CLDN23: variants seen among roughly 807,000 people sequenced by gnomAD.
CLDN23 encodes the protein claudin 23, also known as claudin-23.
Under a neutral mutation model 1.4 loss-of-function variants are expected in CLDN23, and 3 were observed. That is an observed-to-expected ratio of 2.10 (90% CI 0.96 to 5.43). The LOEUF is 5.43. Ranked by LOEUF, CLDN23 falls within the 30% of genes most tolerant of loss-of-function variation. CLDN23 has a pLI of 0.02. For synonymous variants in CLDN23, 291 were observed against 209.9 expected (o/e 1.39, Z -3.34); for missense variants, 597 against 433.5 (o/e 1.38, Z -3.35).
chr8:8,703,746 T>A lies in CLDN23; in HGVS notation c.*469T>A. 1 of 168,050 alleles carries A rather than the reference T, an allele frequency of 6.0e-6. No homozygotes were observed. The highest frequency in any genetic ancestry group is 1.5e-5 in the Non-Finnish European group (1 of 68,716). 10.4% of individuals were successfully genotyped at this position (168,050 alleles called of 1,614,324 possible). On this transcript the variant is annotated 3_prime_UTR_variant, in exon 1 of 1. Transcript: ENST00000519106. The stretch of plus-strand genomic sequence containing the variant: ...AGAGGCCAATATATTCCTGGCCATG[T>A]TTGAATGAGCCTCTTAAAATAAACT...
In CLDN23 at chr8:8,702,888, T is replaced by C; in HGVS notation, c.490T>C (p.Tyr164His). Reference sequence around the variant, plus strand: ...GGTCAGCTACAGCCTGGTCCTGGGCTACCTGGGCAGCTGCCTCCTGCTGCT... The same window carrying C: ...GGTCAGCTACAGCCTGGTCCTGGGCCACCTGGGCAGCTGCCTCCTGCTGCT... ...VQVSYSLVLG[Y>H]LGSCLLLLGG... The change falls in exon 1 of 1, where the codon TAC becomes CAC. Residue 164 changes from tyrosine to histidine, a missense_variant. Physicochemically the swap from Tyr to His is moderately conservative, Grantham distance 83. Coordinates refer to ENST00000519106, the MANE Select transcript of CLDN23 (RefSeq NM_194284.3). The C allele has an allele frequency of 6.3e-7, 1 of 1,579,618 alleles. No individual in the cohort carries two copies. Among genetic ancestry groups the C allele is most frequent in the South Asian group, 1.1e-5 (1 of 89,010 alleles).
Position 8,702,563 on chromosome 8 carries a change from G to T in CLDN23, c.165G>T (p.Glu55Asp). Residue 55 changes from glutamate to aspartate, a missense_variant, in exon 1 of 1, where the codon GAG becomes GAT. Glu to Asp is a conservative substitution (Grantham distance 45). Transcript: ENST00000519106. ...AGGGCCTGTGGGACATGTGTCGCGAGCAGAGCAGCCGCGAGCGCGAGTGCG... is the reference window on the plus strand; with the variant it reads ...AGGGCCTGTGGGACATGTGTCGCGATCAGAGCAGCCGCGAGCGCGAGTGCG... ...LYQGLWDMCR[E>D]QSSRERECGQ... 1 of 1,611,114 alleles carries T rather than the reference G, an allele frequency of 6.2e-7. No homozygotes were observed. Among genetic ancestry groups the T allele is most frequent in the Non-Finnish European group, 8.5e-7 (1 of 1,178,988 alleles).
Position 8,702,507 on chromosome 8 carries a change from C to T in CLDN23, c.109C>T (p.Leu37=), listed in dbSNP as rs529480721. ...APGWRLVKGF[L]NQPVDVELYQ... ...CGGCTGGCGGCTGGTGAAGGGCTTC[C>T]TGAACCAGCCAGTGGACGTGGAGTT... Residue 37 remains leucine, a synonymous_variant, in exon 1 of 1, where the codon CTG becomes TTG. Coordinates refer to ENST00000519106, the MANE Select transcript of CLDN23 (RefSeq NM_194284.3). 4 of 1,609,526 alleles carry T rather than the reference C, an allele frequency of 2.5e-6. No individual in the cohort carries two copies. The African/African-American group carries it at 4.0e-5, about 16-fold the overall frequency.
At position 8,703,214 on chromosome 8, in the gene CLDN23, G is replaced by T. The variant is rs1202523043; in HGVS notation, c.816G>T (p.Gln272His). The change falls in exon 1 of 1, where the codon CAG becomes CAT. Residue 272 changes from glutamine (Q) to histidine (H), a missense_variant. Gln to His is a conservative substitution (Grantham distance 24). Transcript: ENST00000519106. ...DVLDGEGWES[Q>H]DAPSCSTHPC... ...TCGACGGGGAGGGGTGGGAGTCCCA[G>T]GACGCTCCCTCGTGCAGCACCCACC... is the stretch of plus-strand genomic sequence containing the variant. 6.8e-6 allele frequency: 10 copies of T among 1,473,220 alleles called. No homozygotes were observed. The highest frequency in any genetic ancestry group is 9.0e-6 in the Non-Finnish European group (10 of 1,112,356). The allele number at this position is 1,473,220 out of a possible 1,614,324, so 91.3% of individuals were successfully genotyped here.
Position 8,702,671 on chromosome 8 carries a change from G to T in CLDN23, c.273G>T (p.Thr91=). Residue 91 remains threonine (T), a synonymous_variant, in exon 1 of 1, where the codon ACG becomes ACT. Coordinates refer to ENST00000519106, the MANE Select transcript of CLDN23 (RefSeq NM_194284.3). ...TCATGGTCACCTCGCTGGCCGCCAC[G>T]GTCCTGGGGCTTCTGCTGGCGTCGC... ...RALMVTSLAA[T]VLGLLLASLG... The T allele has an allele frequency of 1.2e-6, 2 of 1,605,110 alleles. No individual in the cohort carries two copies. The highest frequency in any genetic ancestry group is 1.7e-6 in the Non-Finnish European group (2 of 1,178,164).
chr8:8,702,733 T>G lies in CLDN23; in HGVS notation c.335T>G (p.Val112Gly). Residue 112 changes from valine (V) to glycine (G), a missense_variant, in exon 1 of 1, where the codon GTG (valine) becomes GGG (glycine). Transcript: ENST00000519106. Reference sequence around the variant, plus strand: ...TGCTGGCAGGACGAGCCCAACTTCGTGCTGGCAGGGCTCTCGGGCGTCGTG... The same window carrying G: ...TGCTGGCAGGACGAGCCCAACTTCGGGCTGGCAGGGCTCTCGGGCGTCGTG... The part of the protein sequence containing the change: ...VRCWQDEPNF[V>G]LAGLSGVVLF... 6.2e-7 allele frequency: 1 copy of G among 1,609,186 alleles called. No individual in the cohort carries two copies. The highest frequency in any genetic ancestry group is 1.1e-5 in the South Asian group (1 of 90,996).
rs1484142747 is a variant in CLDN23, at chr8:8,702,773, C to A, written c.375C>A (p.Gly125=). The A allele has an allele frequency of 4.3e-6, 7 of 1,610,552 alleles. No individual in the cohort carries two copies. Among genetic ancestry groups the A allele is most frequent in the Non-Finnish European group, 5.9e-6 (7 of 1,179,588 alleles). ...CGGGCGTCGTGCTCTTCGTCGCTGG[C>A]CTCCTCGGCCTCATCCCGGTGTCCT... ...GLSGVVLFVA[G]LLGLIPVSWY... Residue 125 remains glycine, a synonymous_variant, in exon 1 of 1, where the codon GGC becomes GGA. Transcript: ENST00000519106.
rs1313489853 is a variant in CLDN23 at position 8,702,561 on chromosome 8, G to A, written c.163G>A (p.Glu55Lys). 1.5e-5 allele frequency: 24 copies of A among 1,610,960 alleles called. No homozygotes were observed. The highest frequency in any genetic ancestry group is 2.2e-5 in the South Asian group (2 of 90,872). ...LYQGLWDMCR[E>K]QSSRERECGQ... Reference sequence around the variant, plus strand: ...CCAGGGCCTGTGGGACATGTGTCGCGAGCAGAGCAGCCGCGAGCGCGAGTG... The same window carrying A: ...CCAGGGCCTGTGGGACATGTGTCGCAAGCAGAGCAGCCGCGAGCGCGAGTG... Residue 55 changes from glutamate to lysine, a missense_variant, in exon 1 of 1, where the codon GAG becomes AAG. By Grantham distance (56) the Glu-to-Lys change is moderately conservative (BLOSUM62 1). Coordinates refer to ENST00000519106, the MANE Select transcript of CLDN23 (RefSeq NM_194284.3).
chr8:8,703,195 G>C lies in CLDN23; in HGVS notation c.797G>C (p.Gly266Ala), dbSNP rs1278500944. The C allele has an allele frequency of 2.0e-6, 3 of 1,487,918 alleles. No individual in the cohort carries two copies. Among genetic ancestry groups the C allele is most frequent in the African/African-American group, 2.9e-5 (2 of 69,816 alleles). 92.2% of individuals were successfully genotyped at this position (1,487,918 alleles called of 1,614,324 possible). ...AYTNSVDVLD[G>A]EGWESQDAPS... The stretch of plus-strand genomic sequence containing the variant: ...ACCAACTCGGTGGACGTCCTCGACG[G>C]GGAGGGGTGGGAGTCCCAGGACGCT... The change falls in exon 1 of 1, where the codon GGG (glycine) becomes GCG (alanine). Residue 266 changes from glycine to alanine, a missense_variant. Gly to Ala is a moderately conservative substitution (Grantham distance 60). Transcript: ENST00000519106.
Position 8,702,549 on chromosome 8 carries a change from G to C in CLDN23, c.151G>C (p.Asp51His), listed in dbSNP as rs1365300402. 2.5e-6 allele frequency: 4 copies of C among 1,611,686 alleles called. No homozygotes were observed. Among genetic ancestry groups the C allele is most frequent in the Non-Finnish European group, 3.4e-6 (4 of 1,179,260 alleles). The change falls in exon 1 of 1, where the codon GAC becomes CAC. Residue 51 changes from aspartate to histidine, a missense_variant. Physicochemically the swap from Asp to His is moderately conservative, Grantham distance 81. Coordinates refer to ENST00000519106, the MANE Select transcript of CLDN23 (RefSeq NM_194284.3). ...VDVELYQGLW[D>H]MCREQSSRER... ...CGTGGAGTTGTACCAGGGCCTGTGGGACATGTGTCGCGAGCAGAGCAGCCG... is the reference window on the plus strand; with the variant it reads ...CGTGGAGTTGTACCAGGGCCTGTGGCACATGTGTCGCGAGCAGAGCAGCCG...
rs763471110 is a variant in CLDN23 at position 8,702,627 on chromosome 8, G to T, written c.229G>T (p.Val77Leu). The T allele has an allele frequency of 4.4e-6, 7 of 1,604,440 alleles. No homozygotes were observed. The highest frequency in any genetic ancestry group is 6.0e-6 in the Non-Finnish European group (7 of 1,175,954). ...GTGGGGCTACTTCGAGGCCCAGCCC[G>T]TGCTGGTGGCGCGGGCACTCATGGT... is the stretch of plus-strand genomic sequence containing the variant. ...DQWGYFEAQP[V>L]LVARALMVTS... Residue 77 changes from valine (V) to leucine (L), a missense_variant, in exon 1 of 1, where the codon GTG (valine) becomes TTG (leucine). Coordinates refer to ENST00000519106, the MANE Select transcript of CLDN23 (RefSeq NM_194284.3).
rs750760562 is a variant in CLDN23, at chr8:8,702,972, C to A, written c.574C>A (p.Arg192Ser). 1.3e-5 allele frequency: 20 copies of A among 1,563,414 alleles called. No homozygotes were observed. Among genetic ancestry groups the A allele is most frequent in the Admixed American group, 5.4e-5 (3 of 56,008 alleles). Residue 192 changes from arginine (R) to serine (S), a missense_variant, in exon 1 of 1, where the codon CGC becomes AGC. Transcript: ENST00000519106. ...CTGGTGCGACGAGCGTTGTCGCCGC[C>A]GCCGCAAGGGACCCTCCGCCGGGCC... is the stretch of plus-strand genomic sequence containing the variant. ...APWCDERCRR[R>S]RKGPSAGPRR...
In CLDN23 at chr8:8,703,260, T is replaced by G; in HGVS notation, c.862T>G (p.Cys288Gly). 7.1e-7 allele frequency: 1 copy of G among 1,405,050 alleles called. No homozygotes were observed. The highest frequency in any genetic ancestry group is 9.3e-7 in the Non-Finnish European group (1 of 1,075,410). 87.0% of individuals were successfully genotyped at this position (1,405,050 alleles called of 1,614,324 possible). ...STHPCDSSLPCDSDL is the reference protein window; with the variant it reads ...STHPCDSSLPGDSDL ...CCACCCCTGCGACAGCTCGCTGCCC[T>G]GCGACTCCGACCTCTAGACGCTTGT... Residue 288 changes from cysteine to glycine, a missense_variant, in exon 1 of 1, where the codon TGC becomes GGC. Coordinates refer to ENST00000519106, the MANE Select transcript of CLDN23 (RefSeq NM_194284.3).
In CLDN23 at chr8:8,703,399, G is replaced by A. The variant is rs12153; in HGVS notation, c.*122G>A. On this transcript the variant is annotated 3_prime_UTR_variant, in exon 1 of 1. Transcript: ENST00000519106. ...TGGTGTGGATGGAAATCTGCCTTTC[G>A]TGGGACCAAACAGGACTCCTTGGAC... The A allele has an allele frequency of 9.9e-7, 1 of 1,015,214 alleles. No homozygotes were observed. The highest frequency in any genetic ancestry group is 1.3e-6 in the Non-Finnish European group (1 of 769,068). 62.9% of individuals were successfully genotyped at this position (1,015,214 alleles called of 1,614,324 possible).
At position 8,703,801 on chromosome 8, in the gene CLDN23, G is replaced by A. The variant is rs10105591; in HGVS notation, c.*524G>A. 2,742 of 167,138 alleles carry A rather than the reference G, an allele frequency of 0.016. 91 individuals are homozygous for A. Among genetic ancestry groups the A allele is most frequent in the African/African-American group, 0.062 (2,560 of 41,500 alleles). The allele number at this position is 167,138 out of a possible 1,614,324, so 10.4% of individuals were successfully genotyped here. A position where few individuals can be genotyped will look rare whatever the true frequency, so the allele number is the denominator to read the frequency against. On this transcript the variant is annotated 3_prime_UTR_variant, in exon 1 of 1. Transcript: ENST00000519106. ...GCCATGCAAATGCCAGCAGCTTAATGGATTTCATGGAATGAAATACCGTGA... is the reference window on the plus strand; with the variant it reads ...GCCATGCAAATGCCAGCAGCTTAATAGATTTCATGGAATGAAATACCGTGA...
chr8:8,703,234 C>T lies in CLDN23; in HGVS notation c.836C>T (p.Thr279Ile), dbSNP rs1018864328. Residue 279 changes from threonine to isoleucine, a missense_variant, in exon 1 of 1, where the codon ACC (threonine) becomes ATC (isoleucine). Thr to Ile is a moderately conservative substitution (Grantham distance 89, BLOSUM62 -1). Coordinates refer to ENST00000519106, the MANE Select transcript of CLDN23 (RefSeq NM_194284.3). ...TCCCAGGACGCTCCCTCGTGCAGCA[C>T]CCACCCCTGCGACAGCTCGCTGCCC... Reference protein sequence around the residue: ...WESQDAPSCSTHPCDSSLPCD... With the variant: ...WESQDAPSCSIHPCDSSLPCD... The T allele has an allele frequency of 7.7e-6, 11 of 1,435,612 alleles. No individual in the cohort carries two copies. Among genetic ancestry groups the T allele is most frequent in the Non-Finnish European group, 9.2e-6 (10 of 1,092,708 alleles). 88.9% of individuals were successfully genotyped at this position (1,435,612 alleles called of 1,614,324 possible).
rs749617569 is a variant in CLDN23, at chr8:8,702,452, C to T, written c.54C>T (p.Leu18=). Residue 18 remains leucine, a synonymous_variant, in exon 1 of 1, where the codon CTC becomes CTT. Coordinates refer to ENST00000519106, the MANE Select transcript of CLDN23 (RefSeq NM_194284.3). ...GCATGGTGTTGGCGCCCTGCGGGCT[C>T]CTGCTCAACCTGACCGGCACCCTGG... ...TLGMVLAPCG[L]LLNLTGTLAP... The T allele has an allele frequency of 1.9e-6, 3 of 1,595,548 alleles. No individual in the cohort carries two copies. The highest frequency in any genetic ancestry group is 2.6e-6 in the Non-Finnish European group (3 of 1,172,352).
rs1273994700 is a variant in CLDN23, at chr8:8,703,209, T to A, written c.811T>A (p.Ser271Thr). ...CGTCCTCGACGGGGAGGGGTGGGAG[T>A]CCCAGGACGCTCCCTCGTGCAGCAC... ...VDVLDGEGWE[S>T]QDAPSCSTHP... The change falls in exon 1 of 1, where the codon TCC becomes ACC. Residue 271 changes from serine to threonine, a missense_variant. Physicochemically the swap from Ser to Thr is moderately conservative, Grantham distance 58 (BLOSUM62 1). Coordinates refer to ENST00000519106, the MANE Select transcript of CLDN23 (RefSeq NM_194284.3). 1 of 1,470,854 alleles carries A rather than the reference T, an allele frequency of 6.8e-7. No homozygotes were observed. The highest frequency in any genetic ancestry group is 2.6e-5 in the East Asian group (1 of 38,076). 91.1% of individuals were successfully genotyped at this position (1,470,854 alleles called of 1,614,324 possible). A position where few individuals can be genotyped will look rare whatever the true frequency, so the allele number is the denominator to read the frequency against.
Position 8,703,460 on chromosome 8 carries a change from G to C in CLDN23, c.*183G>C. On this transcript the variant is annotated 3_prime_UTR_variant, in exon 1 of 1. Coordinates refer to ENST00000519106, the MANE Select transcript of CLDN23 (RefSeq NM_194284.3). ...GGTTGGGTTTGGTTTTCTTCTTAAAGAGTTTAGTTTTCCTCTCCAGAGGGA... is the reference window on the plus strand; with the variant it reads ...GGTTGGGTTTGGTTTTCTTCTTAAACAGTTTAGTTTTCCTCTCCAGAGGGA... The C allele has an allele frequency of 1.9e-6, 1 of 533,992 alleles. No individual in the cohort carries two copies. 33.1% of individuals were successfully genotyped at this position (533,992 alleles called of 1,614,324 possible).
Sources: allele counts gnomAD v4.1 joint callset, GRCh38; gene constraint gnomAD v4.1.1; transcripts MANE v1.5; gene names NCBI Gene and HGNC (gene_info 2026-07-23, HGNC 2026-07-21).